TMEM117: variants seen among roughly 807,000 people sequenced by gnomAD.
TMEM117 encodes transmembrane protein 117.
TMEM117 carries 27 observed loss-of-function variants against 52.4 expected under a neutral mutation model. That is an observed-to-expected ratio of 0.51 (90% CI 0.38 to 0.71). The LOEUF (loss-of-function observed/expected upper bound fraction) is 0.71. Among genes scored for constraint, TMEM117 ranks in the 30% least tolerant of loss-of-function variants. The pLI is 0.00. For missense variants in TMEM117, 556 were observed against 630.5 expected, an observed-to-expected ratio of 0.88 and a Z score of 1.26; for synonymous variants, 215 against 206.3, an observed-to-expected ratio of 1.04 and a Z score of -0.36.
chr12:44,103,189 C>A (rs932912181), intron 3 of TMEM117, among the ~76,000 whole-genome samples: 2 of 148,852 alleles, frequency 1.3e-5, no homozygotes, highest in Non-Finnish European at 3.0e-5. Flanking sequence ...TTTATAAGGT[C>A]TTCTTTCTTC....
chr12:44,003,606 G>A (rs545433595), intron 3 of TMEM117, among the ~76,000 whole-genome samples: 4 of 152,084 alleles, frequency 2.6e-5, no homozygotes, highest in African/African-American at 4.8e-5. Context: ...GGAGCATTCC[G>A]CCTCTTCACT....
intron 3 of TMEM117, among the ~76,000 whole-genome samples, chr12:44,012,573 T>C (rs1946311147): frequency 6.6e-6 from 1 of 152,140 alleles, no homozygotes; most frequent in Non-Finnish European, 1.5e-5. Flanking sequence ...GATATTTTTT[T>C]CCTCAGTCAT....
chr12:44,374,191 C>A (rs56392026), intron 6 of TMEM117, among the ~76,000 whole-genome samples: 2,846 of 151,946 alleles, frequency 0.019, 98 homozygotes, highest in African/African-American at 0.065. Flanking sequence ...TACACTCACT[C>A]GAGAATGATG....
chr12:43,990,389 G>C (rs986137176), intron 3 of TMEM117, among the ~76,000 whole-genome samples: 3 of 152,072 alleles, frequency 2.0e-5, no homozygotes, highest in African/African-American at 4.8e-5. Context: ...ATACTATCAT[G>C]GGACATTTCA....
the TMEM117 span, among the ~76,000 whole-genome samples, chr12:43,813,240 T>G: frequency 3.8e-5 from 5 of 131,460 alleles, no homozygotes; most frequent in Non-Finnish European, 8.2e-5. Context: ...TGTTTTTTTT[T>G]TTTTTTTTTT....
chr12:43,989,562 A>T (rs562103899), intron 3 of TMEM117, among the ~76,000 whole-genome samples: 1 of 152,222 alleles, frequency 6.6e-6, no homozygotes, highest in Non-Finnish European at 1.5e-5. Flanking sequence ...TTTGGATATT[A>T]GAAATTTCAA....
intron 5 of TMEM117, among the ~76,000 whole-genome samples, chr12:44,222,010 T>G (rs1390683210): frequency 6.6e-6 from 1 of 152,158 alleles, no homozygotes; most frequent in African/African-American, 2.4e-5. Flanking sequence ...ATCTCCCTCT[T>G]TCACTCCATC....
intron 5 of TMEM117, among the ~76,000 whole-genome samples, chr12:44,230,087 C>G (rs1379362424): frequency 6.6e-6 from 1 of 152,006 alleles, no homozygotes; most frequent in Non-Finnish European, 1.5e-5. Flanking sequence ...CCTATTATGA[C>G]CTCAGTATGG....
chr12:44,106,743 A>AT (rs199813824), intron 3 of TMEM117, among the ~76,000 whole-genome samples: 3 of 150,080 alleles, frequency 2.0e-5, no homozygotes, highest in African/African-American at 7.3e-5. Context: ...CATAATCTAA[A>AT]TAATTGATAC....
At chr12:43,811,616 G>T in the TMEM117 span, among the ~76,000 whole-genome samples, 5,968 of 152,240 alleles carry the variant, frequency 0.039, 139 homozygotes, top group African/African-American at 0.047. Flanking sequence ...ACAGTTCATT[G>T]GTTCATAGAG....
intron 5 of TMEM117, among the ~76,000 whole-genome samples, chr12:44,276,071 A>G (rs1409714507): frequency 6.6e-6 from 1 of 152,174 alleles, no homozygotes; most frequent in Non-Finnish European, 1.5e-5. Context: ...AAATATATAC[A>G]CCTACTACAT....
the TMEM117 span, among the ~76,000 whole-genome samples, chr12:43,826,331 C>A: frequency 1.3e-5 from 2 of 152,332 alleles, no homozygotes; most frequent in South Asian, 2.1e-4. Context: ...TTAACTTAAT[C>A]TTTTCTTGAA....
At chr12:44,392,487 G>A (rs535665052), downstream of TMEM117, among the ~76,000 whole-genome samples, 1 of 152,090 alleles carries the variant, frequency 6.6e-6, no homozygotes, top group East Asian at 1.9e-4. Context: ...ATAAAAGGCT[G>A]GTTGGTTGGT....
intron 3 of TMEM117, among the ~76,000 whole-genome samples, chr12:44,062,141 G>A (rs1406388409): frequency 6.6e-6 from 1 of 152,148 alleles, no homozygotes; most frequent in East Asian, 1.9e-4. Context: ...AAATGTTTTG[G>A]ACCATCTGAC....
Position 44,211,328 on chromosome 12 carries a change from C to T in TMEM117, c.549C>T (p.Asp183=). ...TGCTTCAGGACAAACCCTATCCTGA[C>T]TGGGGAAAATCAGCAAGAGCTTTCT... The part of the protein sequence containing the change: ...DMMLQDKPYP[D]WGKSARAFWK... The change falls in exon 5 of 8, where the codon GAC becomes GAT. Residue 183 remains aspartate (D), a synonymous_variant. Coordinates refer to ENST00000266534, the MANE Select transcript of TMEM117 (RefSeq NM_032256.3). 2 of 1,612,452 alleles carry T rather than the reference C, an allele frequency of 1.2e-6. No individual in the cohort carries two copies. Among genetic ancestry groups the T allele is most frequent in the Middle Eastern group, 1.7e-4 (1 of 6,052 alleles).
chr12:43,892,977 G>T (rs1289819662), intron 2 of TMEM117, among the ~76,000 whole-genome samples: 1 of 152,212 alleles, frequency 6.6e-6, no homozygotes, highest in Non-Finnish European at 1.5e-5. Flanking sequence ...GGAATAGCAA[G>T]TGAAAAGCCC....
At chr12:44,081,030 A>G (rs1947473409) in intron 3 of TMEM117, among the ~76,000 whole-genome samples, 1 of 152,212 alleles carries the variant, frequency 6.6e-6, no homozygotes. Context: ...AATTTATGTT[A>G]TAATTACTTT....
At chr12:44,122,721 A>T (rs752312167) in intron 3 of TMEM117, among the ~76,000 whole-genome samples, 3 of 152,092 alleles carry the variant, frequency 2.0e-5, no homozygotes, top group Non-Finnish European at 4.4e-5. Flanking sequence ...AGCTCCATCC[A>T]TGTCCCTGCA....
chr12:44,382,173 C>T (rs995813875), intron 7 of TMEM117, among the ~76,000 whole-genome samples: 11 of 152,148 alleles, frequency 7.2e-5, no homozygotes, highest in African/African-American at 2.7e-4. Flanking sequence ...CCTGTCAGTT[C>T]TTGCTGGCCC....
Sources: allele counts gnomAD v4.1 joint callset (sites outside exome capture counted in the v4.1 genomes callset), GRCh38; gene constraint gnomAD v4.1.1; transcripts MANE v1.5; gene names NCBI Gene and HGNC (gene_info 2026-07-23, HGNC 2026-07-21).